Variants in GNAL observed in about 807,000 individuals in gnomAD.
GNAL encodes the protein guanine nucleotide-binding protein G(olf) subunit alpha.
GNAL carries 18 observed loss-of-function variants against 55.1 expected under a neutral mutation model. The observed-to-expected ratio is 0.33, with a 90% CI of 0.23 to 0.48. The LOEUF (loss-of-function observed/expected upper bound fraction) is 0.48, where lower values mean the gene tolerates loss of function less well. Among genes scored for constraint, GNAL ranks in the 20% least tolerant of loss-of-function variants. The pLI is 0.99. For missense variants in GNAL, 412 were observed against 614.1 expected (o/e 0.67, Z 3.48); for synonymous variants, 253 against 237.0 (o/e 1.07, Z -0.62).
chr18:11,845,538 CGT>C (rs1483370897), intron 5 of GNAL, among the ~76,000 whole-genome samples: 2 of 152,060 alleles, frequency 1.3e-5, no homozygotes, highest in Non-Finnish European at 2.9e-5. Context: ...CAATATTTCA[CGT>C]GTTTGGTTCC....
intron 5 of GNAL, among the ~76,000 whole-genome samples, chr18:11,844,412 T>C (rs975151155): frequency 2.0e-5 from 3 of 152,086 alleles, no homozygotes; most frequent in Admixed American, 6.6e-5. Flanking sequence ...CCAACCTGGG[T>C]GACAAGAGCG....
chr18:11,814,340 C>T (rs527970314), intron 4 of GNAL, among the ~76,000 whole-genome samples: 2 of 152,174 alleles, frequency 1.3e-5, no homozygotes, highest in South Asian at 2.1e-4. Flanking sequence ...GTCTGACCAA[C>T]GTGGTGAAAC....
At chr18:11,866,347 G>A (rs2036262730) in intron 7 of GNAL, among the ~76,000 whole-genome samples, 1 of 150,324 alleles carries the variant, frequency 6.7e-6, no homozygotes, top group Non-Finnish European at 1.5e-5. Context: ...AAAAAATCTA[G>A]CCCGTGTGGT....
intron 6 of GNAL, among the ~76,000 whole-genome samples, chr18:11,864,279 A>C (rs2036211985): frequency 6.6e-6 from 1 of 151,792 alleles, no homozygotes. Flanking sequence ...TTTTTAGTAG[A>C]GATAGGGTTT....
At position 11,751,467 on chromosome 18, in the gene GNAL, G is replaced by A. The variant is rs1315041456; in HGVS notation, c.377-1386G>A. Reference sequence around the variant, plus strand: ...CGGGAGGCGGCGACGTGGGCGAGCTGGAATAGTCTAGAAGCTGAGCAGAAC... The same window carrying A: ...CGGGAGGCGGCGACGTGGGCGAGCTAGAATAGTCTAGAAGCTGAGCAGAAC... On this transcript the variant is annotated intron_variant, in intron 1 of 11. Coordinates refer to ENST00000334049, the MANE Select transcript of GNAL (RefSeq NM_182978.4). This position sits in a 1 kb window ranked among gnomAD's most constrained non-coding sequence, Gnocchi z 4.5. The A allele has an allele frequency of 1.0e-6, 1 of 981,910 alleles. No homozygotes were observed. The highest frequency in any genetic ancestry group is 1.2e-6 in the Non-Finnish European group (1 of 826,754). The allele number at this position is 981,910 out of a possible 1,614,324, so 60.8% of individuals were successfully genotyped here.
At chr18:11,789,774 G>C (rs1004896467) in intron 4 of GNAL, among the ~76,000 whole-genome samples, 5 of 152,202 alleles carry the variant, frequency 3.3e-5, no homozygotes, top group African/African-American at 1.2e-4. Context: ...TACATATACT[G>C]CTCATGTGGC....
intron 4 of GNAL, among the ~76,000 whole-genome samples, chr18:11,767,723 C>G (rs1199418466): frequency 1.3e-5 from 2 of 152,222 alleles, no homozygotes; most frequent in Non-Finnish European, 2.9e-5. Context: ...GCTGTCTGTG[C>G]ACGCTTACAC....
chr18:11,718,367 C>A (rs2032021918), intron 1 of GNAL, among the ~76,000 whole-genome samples: 1 of 152,136 alleles, frequency 6.6e-6, no homozygotes, highest in East Asian at 1.9e-4. Flanking sequence ...CAGAGACAAT[C>A]AGCCATAATG....
intron 10 of GNAL, among the ~76,000 whole-genome samples, chr18:11,874,747 C>T (rs1009902786): frequency 9.0e-5 from 13 of 144,624 alleles, no homozygotes; most frequent in African/African-American, 2.6e-4. Context: ...ATGACATGGG[C>T]GCTCCCCAGC....
In GNAL at chr18:11,876,648, A is replaced by G; in HGVS notation, c.1190A>G (p.Lys397Arg). Reference protein sequence around the residue: ...DATPDAGEDPKVTRAKFFIRD... With the variant: ...DATPDAGEDPRVTRAKFFIRD... ...ACACCAGATGCAGGAGAAGATCCCA[A>G]AGTTACAAGAGCCAAGTTCTTTATC... is the stretch of plus-strand genomic sequence containing the variant. Residue 397 changes from lysine to arginine, a missense_variant, in exon 11 of 12, where the codon AAA becomes AGA. Transcript: ENST00000334049. 2 of 1,609,098 alleles carry G rather than the reference A, an allele frequency of 1.2e-6. No homozygotes were observed. Among genetic ancestry groups the G allele is most frequent in the Non-Finnish European group, 8.5e-7 (1 of 1,175,434 alleles).
At chr18:11,699,446 C>T (rs1279612776) in intron 1 of GNAL, among the ~76,000 whole-genome samples, 1 of 151,828 alleles carries the variant, frequency 6.6e-6, no homozygotes, top group Non-Finnish European at 1.5e-5. Context: ...AAGTCCTGAC[C>T]TCTGGGGATC....
At chr18:11,738,741 G>A (rs868240903) in intron 1 of GNAL, among the ~76,000 whole-genome samples, 6 of 152,084 alleles carry the variant, frequency 3.9e-5, no homozygotes, top group African/African-American at 1.2e-4. Context: ...GAGCCACCAC[G>A]CCCAGCCAAG....
chr18:11,819,803 CGTT>C (rs769372130), intron 4 of GNAL, among the ~76,000 whole-genome samples: 7 of 151,708 alleles, frequency 4.6e-5, no homozygotes, highest in African/African-American at 1.5e-4. Flanking sequence ...TTAATTTCTC[CGTT>C]GTTTTTTAAA....
chr18:11,879,918 C>T (rs1287927873), intron 11 of GNAL, among the ~76,000 whole-genome samples: 6 of 152,232 alleles, frequency 3.9e-5, no homozygotes, highest in Non-Finnish European at 5.9e-5. Context: ...GCCACCGGGC[C>T]GCTGCACCGT....
chr18:11,752,472 C>T lies in GNAL; in HGVS notation c.377-381C>T. 1 of 1,612,130 alleles carries T rather than the reference C, an allele frequency of 6.2e-7. No individual in the cohort carries two copies. Among genetic ancestry groups the T allele is most frequent in the Non-Finnish European group, 8.5e-7 (1 of 1,179,218 alleles). On this transcript the variant is annotated intron_variant, in intron 1 of 11. Coordinates refer to ENST00000334049, the MANE Select transcript of GNAL (RefSeq NM_182978.4). The surrounding 1 kb of genome is among the most constrained non-coding windows in gnomAD (Gnocchi z 4.5). ...GCGGCAACAGCAAGACGACGGAAGACCAGGGCGTCGATGAAAAAGAACGAC... is the reference window on the plus strand; with the variant it reads ...GCGGCAACAGCAAGACGACGGAAGATCAGGGCGTCGATGAAAAAGAACGAC...
chr18:11,821,526 T>C (rs79330475), intron 4 of GNAL, among the ~76,000 whole-genome samples: 82 of 152,310 alleles, frequency 5.4e-4, no homozygotes, highest in African/African-American at 1.8e-3. Flanking sequence ...GTAAGAACTA[T>C]TTTAAATAGG....
intron 1 of GNAL, among the ~76,000 whole-genome samples, chr18:11,727,182 C>T (rs1472757857): frequency 6.6e-6 from 1 of 152,138 alleles, no homozygotes; most frequent in Non-Finnish European, 1.5e-5. Flanking sequence ...CCCTGCAAGG[C>T]CCTTCCCTAG....
intron 1 of GNAL, among the ~76,000 whole-genome samples, chr18:11,738,602 C>G (rs556350331): frequency 6.6e-6 from 1 of 152,098 alleles, no homozygotes; most frequent in Non-Finnish European, 1.5e-5. Context: ...CGCCCACCAC[C>G]ACACCTAGCT....
intron 4 of GNAL, among the ~76,000 whole-genome samples, chr18:11,776,666 C>T (rs1198612028): frequency 4.0e-5 from 6 of 148,572 alleles, no homozygotes; most frequent in African/African-American, 1.3e-4. Context: ...CGTGATTGCA[C>T]CATTGCACTC....
Sources: allele counts gnomAD v4.1 joint callset (sites outside exome capture counted in the v4.1 genomes callset), GRCh38; gene constraint gnomAD v4.1.1; non-coding constraint Gnocchi (gnomAD v3.1); transcripts MANE v1.5; gene names NCBI Gene and HGNC (gene_info 2026-07-23, HGNC 2026-07-21).